Variants in UBN1 observed in about 807,000 individuals in gnomAD.
UBN1 encodes the protein ubinuclein 1, also known as ubinuclein-1.
A neutral mutation model predicts 108.5 loss-of-function variants in UBN1; 17 were observed. That is an observed-to-expected ratio of 0.16 (90% CI 0.11 to 0.24). The LOEUF is 0.24. Among genes scored for constraint, UBN1 ranks in the 10% least tolerant of loss-of-function variants. The probability of loss-of-function intolerance (pLI) is 1.00; values close to 1 mark genes in which losing one functional copy is unlikely to be tolerated. For missense variants in UBN1, 1,595 were observed against 1,394.4 expected, an observed-to-expected ratio of 1.14 and a Z score of -2.29; for synonymous variants, 726 against 564.2, an observed-to-expected ratio of 1.29 and a Z score of -4.07.
intron 2 of UBN1, among the ~76,000 whole-genome samples, chr16:4,857,351 CA>C (rs33959421): frequency 0.51 from 62,115 of 120,938 alleles, 14,258 homozygotes; most frequent in East Asian, 0.64. Flanking sequence ...ACTCTTATCT[CA>C]AAAAAAAAAA....
At chr16:4,873,854 T>G (rs1438351090) in intron 14 of UBN1, among the ~76,000 whole-genome samples, 2 of 152,244 alleles carry the variant, frequency 1.3e-5, no homozygotes, top group African/African-American at 2.4e-5. Flanking sequence ...TTGGTCTGAT[T>G]GCAGCTAGGA....
rs757055525 is a variant in UBN1, at chr16:4,874,704, G to A, written c.2294G>A (p.Cys765Tyr). ...AGTTCTGGCTACAAAGAGCTGTCCTGCCAGGCTCCCCTCAATAAGGGCCTG... is the reference window on the plus strand; with the variant it reads ...AGTTCTGGCTACAAAGAGCTGTCCTACCAGGCTCCCCTCAATAAGGGCCTG... Reference protein sequence around the residue: ...PESSGYKELSCQAPLNKGLPE... With the variant: ...PESSGYKELSYQAPLNKGLPE... The change falls in exon 15 of 18, where the codon TGC (cysteine) becomes TAC (tyrosine). Residue 765 changes from cysteine to tyrosine, a missense_variant. Transcript: ENST00000262376. 6.2e-7 allele frequency: 1 copy of A among 1,614,080 alleles called. No individual in the cohort carries two copies. The highest frequency in any genetic ancestry group is 2.2e-5 in the East Asian group (1 of 44,878).
intron 8 of UBN1, 146 bp from the exon 9 acceptor site, chr16:4,870,066 C>A: frequency 8.4e-7 from 1 of 1,188,992 alleles, no homozygotes; most frequent in Non-Finnish European, 1.2e-6. Flanking sequence ...GGATGTGTTT[C>A]CTTGGGCATT....
At position 4,881,874 on chromosome 16, in the gene UBN1, C is replaced by T. The variant is rs2088084709; in HGVS notation, c.*1742C>T. On this transcript the variant is annotated 3_prime_UTR_variant, in exon 18 of 18. Transcript: ENST00000262376. ...GCAGAGGCCGGCAGTGGAGGCTGAG[C>T]AGGGACTCTCCAGGCTTCTCTGCCC... 1 of 152,300 alleles carries T rather than the reference C, an allele frequency of 6.6e-6. No homozygotes were observed. The highest frequency in any genetic ancestry group is 1.5e-5 in the Non-Finnish European group (1 of 68,036). 9.4% of individuals were successfully genotyped at this position (152,300 alleles called of 1,614,324 possible). A position where few individuals can be genotyped will look rare whatever the true frequency, so the allele number is the denominator to read the frequency against.
In UBN1 at chr16:4,880,114, T is replaced by A; in HGVS notation, c.3387T>A (p.Ala1129=). ...CTCAGCTTCACGGGAAAGGGCCTGCTGTACCACGGAAATTGTGACCGCTTC... is the reference window on the plus strand; with the variant it reads ...CTCAGCTTCACGGGAAAGGGCCTGCAGTACCACGGAAATTGTGACCGCTTC... ...GASQLHGKGP[A]VPRKL is the part of the protein sequence containing the mutation. The change falls in exon 18 of 18, where the codon GCT becomes GCA. Residue 1129 remains alanine (A), a synonymous_variant. Transcript: ENST00000262376. 2 of 1,614,104 alleles carry A rather than the reference T, an allele frequency of 1.2e-6. No homozygotes were observed. The highest frequency in any genetic ancestry group is 1.7e-6 in the Non-Finnish European group (2 of 1,180,006).
At position 4,847,597 on chromosome 16, in the gene UBN1, C is replaced by A; in HGVS notation, c.-653C>A. Reference sequence around the variant, plus strand: ...AGGGAGCCGGCCTCGCGGCTCGCCCCGCCCCCGGGTCTTGGACTCCGCGCC... The same window carrying A: ...AGGGAGCCGGCCTCGCGGCTCGCCCAGCCCCCGGGTCTTGGACTCCGCGCC... On this transcript the variant is annotated 5_prime_UTR_variant, in exon 1 of 18. Transcript: ENST00000262376. The A allele has an allele frequency of 2.9e-6, 1 of 345,734 alleles. No homozygotes were observed. Among genetic ancestry groups the A allele is most frequent in the Non-Finnish European group, 5.3e-6 (1 of 189,674 alleles). 21.4% of individuals were successfully genotyped at this position (345,734 alleles called of 1,614,324 possible).
intron 14 of UBN1, 42 bp from the exon 15 acceptor site, chr16:4,874,169 C>T (rs1373060614): frequency 1.3e-6 from 2 of 1,510,988 alleles, no homozygotes; most frequent in Non-Finnish European, 1.8e-6. Flanking sequence ...ATGTTGGCAT[C>T]TTTGGACCTT....
In UBN1 at chr16:4,870,530, G is replaced by A. The variant is rs1359933797; in HGVS notation, c.1326G>A (p.Lys442=). The change falls in exon 10 of 18, where the codon AAG becomes AAA. Residue 442 remains lysine (K), a synonymous_variant. Transcript: ENST00000262376. The part of the protein sequence containing the change: ...LHLYEQGGRL[K]EPLQKLKEAI... ...GCTCTTCGCAGGGGGGCCGTCTGAA[G>A]GAGCCTCTCCAGAAGCTCAAGGAAG... 2 of 1,614,244 alleles carry A rather than the reference G, an allele frequency of 1.2e-6. No homozygotes were observed. The highest frequency in any genetic ancestry group is 1.7e-6 in the Non-Finnish European group (2 of 1,180,040).
rs1192195611 is a variant in UBN1 at position 4,847,876 on chromosome 16, G to A, written c.-374G>A. The A allele has an allele frequency of 6.6e-6, 1 of 152,500 alleles. No individual in the cohort carries two copies. The highest frequency in any genetic ancestry group is 1.5e-5 in the Non-Finnish European group (1 of 68,286). The allele number at this position is 152,500 out of a possible 1,614,324, so 9.4% of individuals were successfully genotyped here. The stretch of plus-strand genomic sequence containing the variant: ...CCGTGTTCTTTGGAGCGCTCCTCCC[G>A]ACGGCCGCTTTCGGAGGCGCCGTCT... On this transcript the variant is annotated 5_prime_UTR_variant, in exon 1 of 18. Transcript: ENST00000262376.
chr16:4,881,392 A>G lies in UBN1; in HGVS notation c.*1260A>G, dbSNP rs914542986. On this transcript the variant is annotated 3_prime_UTR_variant, in exon 18 of 18. Coordinates refer to ENST00000262376, the MANE Select transcript of UBN1 (RefSeq NM_001079514.3). The stretch of plus-strand genomic sequence containing the variant: ...GTTACTGCAGAGCTCCTAAGTCACC[A>G]CTCAACCAGTGGCTGTTTCACAAGG... The G allele has an allele frequency of 6.6e-6, 1 of 152,190 alleles. No homozygotes were observed. The highest frequency in any genetic ancestry group is 2.4e-5 in the African/African-American group (1 of 41,414). The allele number at this position is 152,190 out of a possible 1,614,324, so 9.4% of individuals were successfully genotyped here. A position where few individuals can be genotyped will look rare whatever the true frequency, so the allele number is the denominator to read the frequency against.
intron 5 of UBN1, 43 bp downstream of exon 5, chr16:4,859,202 C>A: frequency 6.3e-7 from 1 of 1,599,150 alleles, no homozygotes; most frequent in Non-Finnish European, 8.5e-7. Context: ...TGCTTTTTGA[C>A]GTGACCCTAT....
rs1398933327 is a variant in UBN1 at position 4,849,963 on chromosome 16, AAAAC to A, written c.-40+1754_-40+1757del. Reference sequence around the variant, plus strand: ...CAACTGTCTCACAAAAAAAAAAAAAAAAACCACAAAAAAAGCTAAAATCTTTCCA... The same window carrying A: ...CAACTGTCTCACAAAAAAAAAAAAAACACAAAAAAAGCTAAAATCTTTCCA... On this transcript the variant is annotated intron_variant, in intron 1 of 17. Transcript: ENST00000262376. 1.8e-3 allele frequency among the ~76,000 whole-genome samples: 269 copies of A among 148,202 alleles called. 6 individuals are homozygous for A. The highest frequency in any genetic ancestry group is 2.9e-3 in the Non-Finnish European group (194 of 67,706).
At chr16:4,853,209 A>G (rs762963226) in intron 2 of UBN1, 43 bp downstream of exon 2, 1 of 1,606,978 alleles carries the variant, frequency 6.2e-7, no homozygotes, top group African/African-American at 1.3e-5. Context: ...TTTAACGCAC[A>G]GGGGTCAGTG....
At chr16:4,870,141 C>T (rs980577444) in intron 8 of UBN1, 71 bp from the exon 9 acceptor site, 34 of 1,600,496 alleles carry the variant, frequency 2.1e-5, no homozygotes, top group Middle Eastern at 1.7e-4. Flanking sequence ...TTCCTCTCCA[C>T]GTACGGTGAG....
In UBN1 at chr16:4,870,345, G is replaced by T. The variant is rs925391349; in HGVS notation, c.1311+4G>T. ...GAAACTTCACCTCTATGAACAGGTG[G>T]GTGACTCTAGAGTGAAGCCCTTTGG... is the stretch of plus-strand genomic sequence containing the variant. On this transcript the variant is annotated splice_donor_region_variant and intron_variant, in intron 9 of 17. Transcript: ENST00000262376. The T allele has an allele frequency of 6.2e-7, 1 of 1,613,910 alleles. No individual in the cohort carries two copies.
chr16:4,858,988 CA>C, intron 4 of UBN1, 36 bp from the exon 5 acceptor site: 1 of 1,606,118 alleles, frequency 6.2e-7, no homozygotes, highest in Non-Finnish European at 8.5e-7. Context: ...ACTGCAGAAG[CA>C]GAACTTGGAG....
chr16:4,880,053 T>C, intron 17 of UBN1, 30 bp from the exon 18 acceptor site: 1 of 1,613,204 alleles, frequency 6.2e-7, no homozygotes, highest in Non-Finnish European at 8.5e-7. Context: ...ATGAAAAACT[T>C]GCGTTCTAAT....
rs755120245 is a variant in UBN1 at position 4,859,013 on chromosome 16, TC to T, written c.433-9del. 5.0e-6 allele frequency: 8 copies of T among 1,610,080 alleles called. No individual in the cohort carries two copies. The highest frequency in any genetic ancestry group is 3.3e-4 in the Middle Eastern group (2 of 6,016). On this transcript the variant is annotated splice_polypyrimidine_tract_variant and intron_variant, in intron 4 of 17. Coordinates refer to ENST00000262376, the MANE Select transcript of UBN1 (RefSeq NM_001079514.3). ...CAGAACTTGGAGCTGACAGTTTGTT[TC>T]CCATCTTCAGTATGATGAGCTTGTT...
intron 7 of UBN1, among the ~76,000 whole-genome samples, chr16:4,861,558 T>G (rs753385485): frequency 6.6e-6 from 1 of 152,264 alleles, no homozygotes; most frequent in Non-Finnish European, 1.5e-5. Context: ...CCTTGCGTTG[T>G]GTATCCAGTG....
Sources: allele counts gnomAD v4.1 joint callset (sites outside exome capture counted in the v4.1 genomes callset), GRCh38; gene constraint gnomAD v4.1.1; transcripts MANE v1.5; gene names NCBI Gene and HGNC (gene_info 2026-07-23, HGNC 2026-07-21).